SP100: variants seen among roughly 807,000 people sequenced by gnomAD.
SP100 encodes the protein SP100 nuclear body protein.
A neutral mutation model predicts 130.0 loss-of-function variants in SP100; 84 were observed. That is an observed-to-expected ratio of 0.65 (90% CI 0.54 to 0.77). SP100 has a LOEUF of 0.77. Among genes scored for constraint, SP100 ranks in the 30% least tolerant of loss-of-function variants. SP100 has a pLI of 0.00. For missense variants in SP100, 978 were observed against 1,052.2 expected (o/e 0.93, Z 0.97); for synonymous variants, 331 against 351.7 (o/e 0.94, Z 0.66).
intron 18 of SP100, among the ~76,000 whole-genome samples, chr2:230,497,000 C>T (rs1333455830): frequency 6.6e-6 from 1 of 152,144 alleles, no homozygotes; most frequent in Non-Finnish European, 1.5e-5. Flanking sequence ...TTCTCAGTTG[C>T]CTTAAGGACG....
chr2:230,482,173 AT>A (rs1465999559), intron 17 of SP100, among the ~76,000 whole-genome samples: 2 of 152,100 alleles, frequency 1.3e-5, no homozygotes, highest in African/African-American at 4.8e-5. Flanking sequence ...ATTTATAATT[AT>A]TTTTTTAATC....
At chr2:230,459,212 G>A (rs2064449364) in intron 8 of SP100, among the ~76,000 whole-genome samples, 1 of 152,214 alleles carries the variant, frequency 6.6e-6, no homozygotes, top group South Asian at 2.1e-4. Context: ...TGCAGAAAAT[G>A]AGTTAAAGGA....
rs1690826328 is a variant in SP100, at chr2:230,515,040, T to TAAGAAGCTGAGAGGTGAAATGTTATCCC, written c.2094+3900_2094+3901insCCAAGAAGCTGAGAGGTGAAATGTTATC. On this transcript the variant is annotated intron_variant, in intron 24 of 28. Coordinates refer to ENST00000340126, the MANE Select transcript of SP100 (RefSeq NM_001080391.2). ...AACTAAACATGGACAAAGCAGATCC[T>TAAGAAGCTGAGAGGTGAAATGTTATCCC]AAGAAGCTGAGAGGTGAAATGTTAT... The TAAGAAGCTGAGAGGTGAAATGTTATCCC allele has an allele frequency of 4.4e-6, 7 of 1,601,120 alleles. No individual in the cohort carries two copies. In the Admixed American group the frequency reaches 1.2e-4, roughly 28 times the overall value.
In SP100 at chr2:230,545,561, T is replaced by C. The variant is rs2150120224; in HGVS notation, c.*2615T>C. On this transcript the variant is annotated 3_prime_UTR_variant, in exon 29 of 29. Coordinates refer to ENST00000340126, the MANE Select transcript of SP100 (RefSeq NM_001080391.2). ...TATACCCCTGAACCTAAAAGTTTTTTTAATTGTAAATAAATGGATCATTAA... is the reference window on the plus strand; with the variant it reads ...TATACCCCTGAACCTAAAAGTTTTTCTAATTGTAAATAAATGGATCATTAA... 2.6e-5 allele frequency among the ~76,000 whole-genome samples: 4 copies of C among 152,302 alleles called. No individual in the cohort carries two copies. The highest frequency in any genetic ancestry group is 2.6e-4 in the Admixed American group (4 of 15,292).
intron 2 of SP100, among the ~76,000 whole-genome samples, chr2:230,437,548 G>T (rs183301698): frequency 5.3e-5 from 8 of 151,444 alleles, no homozygotes; most frequent in African/African-American, 1.9e-4. Context: ...TTTTTTCTTT[G>T]TTTTTTTTGT....
chr2:230,428,391 C>T lies in SP100; in HGVS notation c.107+10726C>T, dbSNP rs78396678. On this transcript the variant is annotated intron_variant, in intron 2 of 28. Coordinates refer to ENST00000340126, the MANE Select transcript of SP100 (RefSeq NM_001080391.2). ...GGTGGAAGGGCGAAGGGGAAGCAAG[C>T]ACGTCTTCAAATGGTGACAGAAGAG... Among the ~76,000 whole-genome samples the T allele has an allele frequency of 5.6e-3, 859 of 152,090 alleles. 28 individuals are homozygous for T. The highest frequency in any genetic ancestry group is 0.051 in the Admixed American group (786 of 15,286).
intron 14 of SP100, 113 bp from the exon 15 acceptor site, chr2:230,469,902 A>C: frequency 6.6e-7 from 1 of 1,507,436 alleles, no homozygotes; most frequent in Non-Finnish European, 8.9e-7. Flanking sequence ...TGGTGGGACT[A>C]TTTCTCCCCC....
At chr2:230,416,362 C>A in intron 1 of SP100, 34 bp downstream of exon 1, 1 of 1,597,888 alleles carries the variant, frequency 6.3e-7, no homozygotes, top group Non-Finnish European at 8.6e-7. Flanking sequence ...TAACCTTTAT[C>A]TCTGGCTATA....
At chr2:230,466,573 C>T (rs949659981) in intron 12 of SP100, among the ~76,000 whole-genome samples, 1 of 152,106 alleles carries the variant, frequency 6.6e-6, no homozygotes, top group African/African-American at 2.4e-5. Context: ...GTCAATGACC[C>T]CAACACAACA....
Position 230,516,164 on chromosome 2 carries a change from A to T in SP100, c.2094+4998A>T, listed in dbSNP as rs935423918. On this transcript the variant is annotated intron_variant, in intron 24 of 28. Transcript: ENST00000340126. ...CATGTCTATTAGCTCCACAAAGCCA[A>T]TCTCAATCCCTCAAAACAATCTTGT... The T allele has an allele frequency of 7.6e-6, 5 of 658,582 alleles. No individual in the cohort carries two copies. The African/African-American group carries it at 7.9e-5, about 10-fold the overall frequency. 40.8% of individuals were successfully genotyped at this position (658,582 alleles called of 1,614,324 possible).
At chr2:230,538,975 T>C in intron 24 of SP100, 1 of 257,192 alleles carries the variant, frequency 3.9e-6, no homozygotes. Flanking sequence ...GGGCCAGGTT[T>C]TCCCAGCTGT....
chr2:230,438,908 G>A (rs570277401), intron 2 of SP100, among the ~76,000 whole-genome samples: 2 of 152,180 alleles, frequency 1.3e-5, no homozygotes, highest in African/African-American at 4.8e-5. Context: ...TCAAATGATA[G>A]TTCTTTAAGG....
At position 230,473,395 on chromosome 2, in the gene SP100, A is replaced by T; in HGVS notation, c.1501A>T (p.Ser501Cys). ...GTGTTTTCCAAAAGGTGTGCCAAGA[A>T]GCCAAGAAGCAAGGACTGAAAGTAG... ...VMCFPKGVPR[S>C]QEARTESSQA... The change falls in exon 16 of 29, where the codon AGC becomes TGC. Residue 501 changes from serine (S) to cysteine (C), a missense_variant. By Grantham distance (112) the Ser-to-Cys change is moderately radical. Coordinates refer to ENST00000340126, the MANE Select transcript of SP100 (RefSeq NM_001080391.2). The T allele has an allele frequency of 1.2e-6, 2 of 1,614,034 alleles. No homozygotes were observed. The highest frequency in any genetic ancestry group is 1.7e-6 in the Non-Finnish European group (2 of 1,179,884).
chr2:230,517,738 C>T (rs1690989683), intron 24 of SP100, among the ~76,000 whole-genome samples: 1 of 147,692 alleles, frequency 6.8e-6, no homozygotes, highest in African/African-American at 2.5e-5. Context: ...GTACTCTAGC[C>T]TGGGCAACAG....
At chr2:230,501,312 T>A (rs1012291745) in intron 19 of SP100, among the ~76,000 whole-genome samples, 1 of 152,156 alleles carries the variant, frequency 6.6e-6, no homozygotes, top group African/African-American at 2.4e-5. Context: ...ATAATTCTTT[T>A]ATATGGGTTT....
chr2:230,458,762 A>C (rs1395432847), intron 8 of SP100, among the ~76,000 whole-genome samples: 1 of 152,212 alleles, frequency 6.6e-6, no homozygotes, highest in Non-Finnish European at 1.5e-5. Flanking sequence ...AATGATGGGA[A>C]TGTTTGAGAT....
intron 8 of SP100, among the ~76,000 whole-genome samples, chr2:230,457,321 C>T (rs566855982): frequency 1.2e-4 from 19 of 152,344 alleles, no homozygotes; most frequent in African/African-American, 4.3e-4. Flanking sequence ...AGCCCAGTGC[C>T]ACTTGGTCCA....
At chr2:230,470,470 C>A in intron 15 of SP100, 3 of 953,924 alleles carry the variant, frequency 3.1e-6, no homozygotes, top group Non-Finnish European at 3.8e-6. Context: ...CCTCAAAAGA[C>A]AACTGTTCCT....
At chr2:230,490,530 A>G (rs2066339266) in intron 17 of SP100, among the ~76,000 whole-genome samples, 1 of 152,226 alleles carries the variant, frequency 6.6e-6, no homozygotes, top group Admixed American at 6.5e-5. Flanking sequence ...TGATCTTGTC[A>G]TCAAGATGCT....
Sources: gnomAD v4.1 joint callset for allele counts (sites outside exome capture counted in the v4.1 genomes callset) on GRCh38, gnomAD v4.1.1 for gene constraint, MANE v1.5 for transcripts, NCBI Gene and HGNC (gene_info 2026-07-23, HGNC 2026-07-21) for gene names.